The following TNFRSF8 variants were observed in gnomAD, a reference collection of about 807,000 sequenced individuals.
TNFRSF8 encodes the protein TNF receptor superfamily member 8.
A neutral mutation model predicts 70.8 loss-of-function variants in TNFRSF8; 26 were observed. The ratio of observed to expected loss-of-function variants is 0.37; its 90% CI spans 0.27 to 0.51. The LOEUF is 0.51. Ranked by LOEUF, TNFRSF8 falls within the 20% of genes least tolerant of loss-of-function variation. The pLI, the probability that TNFRSF8 is intolerant of heterozygous loss-of-function variation, is 0.94. For synonymous variants in TNFRSF8, 356 were observed against 339.2 expected, an observed-to-expected ratio of 1.05 and a Z score of -0.54; for missense variants, 720 against 807.9, an observed-to-expected ratio of 0.89 and a Z score of 1.32.
chr1:12,074,779 GTGTTTGTT>G (rs145005426), intron 1 of TNFRSF8, among the ~76,000 whole-genome samples: 1 of 151,928 alleles, frequency 6.6e-6, no homozygotes, highest in African/African-American at 2.4e-5. Flanking sequence ...GTGATTATTT[GTGTTTGTT>G]TGTTTGTTTA....
chr1:12,116,340 T>G (rs923204308), intron 8 of TNFRSF8, among the ~76,000 whole-genome samples: 2 of 152,196 alleles, frequency 1.3e-5, no homozygotes, highest in Non-Finnish European at 2.9e-5. Context: ...GAGAGATGAA[T>G]ATCAAGTTTC....
intron 8 of TNFRSF8, among the ~76,000 whole-genome samples, chr1:12,122,037 T>TCC (rs1395490035): frequency 6.6e-6 from 1 of 152,060 alleles, no homozygotes; most frequent in Admixed American, 6.6e-5. Flanking sequence ...ATAAAGCAGA[T>TCC]CGGTGGTTGC....
intron 7 of TNFRSF8, 86 bp from the exon 8 acceptor site, chr1:12,115,491 T>G (rs927760089): frequency 1.4e-6 from 2 of 1,459,006 alleles, no homozygotes; most frequent in Non-Finnish European, 1.9e-6. Flanking sequence ...CTTGGACAAC[T>G]GCTTCTCTGT....
At chr1:12,107,224 G>A (rs547734165) in intron 4 of TNFRSF8, among the ~76,000 whole-genome samples, 1 of 152,100 alleles carries the variant, frequency 6.6e-6, no homozygotes, top group East Asian at 1.9e-4. Context: ...GTGAAACCTC[G>A]TCTCTACTAA....
rs549413778 is a variant in TNFRSF8 at position 12,116,860 on chromosome 1, G to A, written c.946+1131G>A. On this transcript the variant is annotated intron_variant, in intron 8 of 14. Transcript: ENST00000263932. Reference sequence around the variant, plus strand: ...CAATGTGACTCTGTGAGGGCTGCCAGAGAAGTGAGGGGTGACTTGCTTCTA... The same window carrying A: ...CAATGTGACTCTGTGAGGGCTGCCAAAGAAGTGAGGGGTGACTTGCTTCTA... Among the ~76,000 whole-genome samples, 34 of 152,212 alleles carry A rather than the reference G, an allele frequency of 2.2e-4. 1 individual carries two copies. Among genetic ancestry groups the A allele is most frequent in the Admixed American group, 2.0e-3 (31 of 15,286 alleles).
In TNFRSF8 at chr1:12,112,119, G is replaced by T. The variant is rs975234903; in HGVS notation, c.793+105G>T. 4.5e-5 allele frequency: 35 copies of T among 784,290 alleles called. No individual in the cohort carries two copies. Among genetic ancestry groups the T allele is most frequent in the Non-Finnish European group, 1.9e-5 (9 of 482,728 alleles). The allele number at this position is 784,290 out of a possible 1,614,324, so 48.6% of individuals were successfully genotyped here. A position where few individuals can be genotyped will look rare whatever the true frequency, so the allele number is the denominator to read the frequency against. On this transcript the variant is annotated intron_variant, in intron 7 of 14. Transcript: ENST00000263932. This position sits in a 1 kb window ranked among gnomAD's most constrained non-coding sequence, Gnocchi z 5.3. Reference sequence around the variant, plus strand: ...TTATGTTTGTGGGTTTTTGATGGGGGTCGCCTCTTTTCAGAGGGCTTCCAT... The same window carrying T: ...TTATGTTTGTGGGTTTTTGATGGGGTTCGCCTCTTTTCAGAGGGCTTCCAT...
At position 12,112,406 on chromosome 1, in the gene TNFRSF8, C is replaced by A. The variant is rs1641649516; in HGVS notation, c.793+392C>A. ...AGCCACTTATTCTTTTTTTTTTTTT[C>A]CCAGACAGGGTCTCACTCCTTCACC... On this transcript the variant is annotated intron_variant, in intron 7 of 14. Transcript: ENST00000263932. This position sits in a 1 kb window ranked among gnomAD's most constrained non-coding sequence, Gnocchi z 5.3. Among the ~76,000 whole-genome samples, 1 of 147,680 alleles carries A rather than the reference C, an allele frequency of 6.8e-6. No homozygotes were observed. The highest frequency in any genetic ancestry group is 2.1e-4 in the South Asian group (1 of 4,702).
chr1:12,082,583 AC>A (rs1300915616), intron 1 of TNFRSF8, among the ~76,000 whole-genome samples: 6 of 150,932 alleles, frequency 4.0e-5, no homozygotes, highest in African/African-American at 1.2e-4. Flanking sequence ...AACAAAAAAA[AC>A]CCCCACAAAA....
chr1:12,131,683 C>G (rs891452939), intron 12 of TNFRSF8, among the ~76,000 whole-genome samples: 1 of 150,986 alleles, frequency 6.6e-6, no homozygotes, highest in Non-Finnish European at 1.5e-5. Flanking sequence ...TTGTAGAGAC[C>G]AGGTCTCCCT....
At chr1:12,065,487 C>T (rs1329169413) in intron 1 of TNFRSF8, among the ~76,000 whole-genome samples, 2 of 152,186 alleles carry the variant, frequency 1.3e-5, no homozygotes, top group South Asian at 2.1e-4. Flanking sequence ...AAAGCCAAGT[C>T]TTTTGACACC....
chr1:12,138,301 G>A lies in TNFRSF8; in HGVS notation c.1408G>A (p.Glu470Lys), dbSNP rs1185406513. 6.2e-7 allele frequency: 1 copy of A among 1,613,690 alleles called. No homozygotes were observed. The highest frequency in any genetic ancestry group is 2.2e-5 in the East Asian group (1 of 44,876). Residue 470 changes from glutamate (E) to lysine (K), a missense_variant, in exon 14 of 15, where the codon GAG (glutamate) becomes AAG (lysine). Coordinates refer to ENST00000263932, the MANE Select transcript of TNFRSF8 (RefSeq NM_001243.5). The surrounding 1 kb of genome is among the most constrained non-coding windows in gnomAD (Gnocchi z 5.7). Reference sequence around the variant, plus strand: ...AGGGTTAATGAGCCAGCCACTGATGGAGACCTGCCACAGCGTGGGGGCAGC... The same window carrying A: ...AGGGTTAATGAGCCAGCCACTGATGAAGACCTGCCACAGCGTGGGGGCAGC... ...ERGLMSQPLM[E>K]TCHSVGAAYL...
intron 1 of TNFRSF8, among the ~76,000 whole-genome samples, chr1:12,069,998 G>C (rs1640814074): frequency 6.6e-6 from 1 of 152,216 alleles, no homozygotes; most frequent in African/African-American, 2.4e-5. Context: ...GGAGGCCGGG[G>C]TGGCTGGAGG....
intron 14 of TNFRSF8, among the ~76,000 whole-genome samples, chr1:12,140,955 C>T (rs1557609651): frequency 2.0e-5 from 3 of 152,160 alleles, no homozygotes; most frequent in African/African-American, 7.2e-5. Context: ...GCCCACAAGC[C>T]TGATGGAGGT....
chr1:12,105,676 G>A (rs1424409947), intron 4 of TNFRSF8, among the ~76,000 whole-genome samples: 5 of 152,014 alleles, frequency 3.3e-5, no homozygotes, highest in African/African-American at 7.2e-5. Flanking sequence ...GGTGGCTTAC[G>A]CCTGTAATCC....
chr1:12,077,799 G>A (rs1166734101), intron 1 of TNFRSF8: 1 of 152,338 alleles, frequency 6.6e-6, no homozygotes, highest in African/African-American at 2.4e-5. Context: ...AGGCTGGTAG[G>A]AGAGAGTACC....
intron 12 of TNFRSF8, among the ~76,000 whole-genome samples, chr1:12,130,790 A>G (rs1315360594): frequency 1.3e-5 from 2 of 152,264 alleles, no homozygotes; most frequent in Non-Finnish European, 2.9e-5. Context: ...CAGGCTTACA[A>G]GAAGACAGTG....
At position 12,109,076 on chromosome 1, in the gene TNFRSF8, A is replaced by G. The variant is rs990554613; in HGVS notation, c.422-490A>G. ...CCATCTTGCCCCATCTCTCACCTCT[A>G]TTTCCCTCTCTGTTGGTTCATCGGC... On this transcript the variant is annotated intron_variant, in intron 4 of 14. Transcript: ENST00000263932. The surrounding 1 kb of genome is among the most constrained non-coding windows in gnomAD (Gnocchi z 4.4). Among the ~76,000 whole-genome samples the G allele has an allele frequency of 1.3e-5, 2 of 151,910 alleles. No homozygotes were observed. The highest frequency in any genetic ancestry group is 2.4e-5 in the African/African-American group (1 of 41,336).
At chr1:12,128,475 G>A (rs1570072475) in intron 12 of TNFRSF8, among the ~76,000 whole-genome samples, 1 of 152,222 alleles carries the variant, frequency 6.6e-6, no homozygotes, top group African/African-American at 2.4e-5. Context: ...GCACACACGT[G>A]ATCTCATCCA....
Position 12,109,361 on chromosome 1 carries a change from G to C in TNFRSF8, c.422-205G>C, listed in dbSNP as rs533770154. Among the ~76,000 whole-genome samples, 1 of 152,298 alleles carries C rather than the reference G, an allele frequency of 6.6e-6. No individual in the cohort carries two copies. The highest frequency in any genetic ancestry group is 2.1e-4 in the South Asian group (1 of 4,818). On this transcript the variant is annotated intron_variant, in intron 4 of 14. Transcript: ENST00000263932. This position sits in a 1 kb window ranked among gnomAD's most constrained non-coding sequence, Gnocchi z 4.4. ...CCCAACCCCTAACCACAGATGCTGA[G>C]ATCAGAGGGAGAGTAATTCCCCAGG... is the stretch of plus-strand genomic sequence containing the variant.
Sources: gnomAD v4.1 joint callset for allele counts (sites outside exome capture counted in the v4.1 genomes callset) on GRCh38, gnomAD v4.1.1 for gene constraint, Gnocchi (gnomAD v3.1) non-coding constraint, MANE v1.5 for transcripts, NCBI Gene and HGNC (gene_info 2026-07-23, HGNC 2026-07-21) for gene names.